Variants in CCDC148 observed in about 807,000 individuals in gnomAD.
CCDC148 encodes the protein coiled-coil domain containing 148.
In CCDC148, 89 loss-of-function variants were observed where a neutral mutation model predicts 85.7. The observed-to-expected ratio is 1.04, with a 90% CI of 0.87 to 1.24. CCDC148 has a LOEUF of 1.24. Ranked by LOEUF, CCDC148 falls within the 50% of genes most tolerant of loss-of-function variation. The probability of loss-of-function intolerance (pLI) is 0.00; values close to 1 mark genes in which losing one functional copy is unlikely to be tolerated. For missense variants in CCDC148, 692 were observed against 671.7 expected, an observed-to-expected ratio of 1.03 and a Z score of -0.33; for synonymous variants, 230 against 213.9, an observed-to-expected ratio of 1.08 and a Z score of -0.66.
intron 1 of CCDC148, among the ~76,000 whole-genome samples, chr2:158,359,373 A>G (rs1683823420): frequency 6.6e-6 from 1 of 152,192 alleles, no homozygotes; most frequent in Non-Finnish European, 1.5e-5. Context: ...AAAGAAAACA[A>G]GGGTAGGGCG....
intron 1 of CCDC148, among the ~76,000 whole-genome samples, chr2:158,374,699 GTGTA>G (rs911467026): frequency 1.3e-5 from 2 of 151,342 alleles, no homozygotes; most frequent in African/African-American, 2.4e-5. Context: ...GTGTATATAT[GTGTA>G]TGTGTGTACA....
intron 7 of CCDC148, among the ~76,000 whole-genome samples, chr2:158,328,053 T>C (rs950180304): frequency 7.2e-5 from 11 of 152,042 alleles, no homozygotes; most frequent in Non-Finnish European, 1.5e-4. Flanking sequence ...TTAGGGTACA[T>C]GTGCACAATG....
chr2:158,196,377 T>G (rs1391410117), intron 11 of CCDC148, among the ~76,000 whole-genome samples: 1 of 152,144 alleles, frequency 6.6e-6, no homozygotes, highest in Non-Finnish European at 1.5e-5. Context: ...TAGGCTATGG[T>G]GGGATATTTA....
intron 1 of CCDC148, among the ~76,000 whole-genome samples, chr2:158,433,074 CAAAAA>C (rs755383954): frequency 6.8e-5 from 5 of 74,020 alleles, no homozygotes; most frequent in African/African-American, 2.0e-4. Context: ...CTCATCTCTA[CAAAAA>C]AAAAAAAAAA....
chr2:158,376,262 G>C (rs1684645449), intron 1 of CCDC148, among the ~76,000 whole-genome samples: 1 of 152,100 alleles, frequency 6.6e-6, no homozygotes, highest in African/African-American at 2.4e-5. Flanking sequence ...AAGAGAGCAG[G>C]TTAAAAGATA....
intron 1 of CCDC148, among the ~76,000 whole-genome samples, chr2:158,372,865 C>T (rs189879067): frequency 1.5e-4 from 23 of 152,116 alleles, no homozygotes; most frequent in African/African-American, 5.3e-4. Flanking sequence ...TTGTACTTTA[C>T]CCTTGAGCAT....
At chr2:158,287,619 C>T (rs561854444) in intron 9 of CCDC148, among the ~76,000 whole-genome samples, 2 of 152,356 alleles carry the variant, frequency 1.3e-5, no homozygotes, top group South Asian at 2.1e-4. Flanking sequence ...CCCGGTCACA[C>T]TGATGCAAGA....
intron 7 of CCDC148, among the ~76,000 whole-genome samples, chr2:158,316,738 G>A (rs955956523): frequency 6.6e-6 from 1 of 152,186 alleles, no homozygotes; most frequent in Admixed American, 6.5e-5. Context: ...TTAGAATGCT[G>A]CATTTGAGGA....
At chr2:158,310,237 G>C (rs1691912178) in intron 8 of CCDC148, among the ~76,000 whole-genome samples, 1 of 152,106 alleles carries the variant, frequency 6.6e-6, no homozygotes, top group Admixed American at 6.5e-5. Context: ...GCACGGGGTT[G>C]GGGGTAAGGT....
chr2:158,429,854 A>G (rs867132470), intron 1 of CCDC148, among the ~76,000 whole-genome samples: 3 of 152,176 alleles, frequency 2.0e-5, no homozygotes, highest in East Asian at 1.9e-4. Context: ...CATGATTGCC[A>G]TGGCTTTCTG....
At chr2:158,391,323 C>T (rs1437185721) in intron 1 of CCDC148, among the ~76,000 whole-genome samples, 1 of 152,116 alleles carries the variant, frequency 6.6e-6, no homozygotes, top group Non-Finnish European at 1.5e-5. Flanking sequence ...GTCAATATTA[C>T]TTGTGAATTG....
intron 1 of CCDC148, among the ~76,000 whole-genome samples, chr2:158,370,244 A>G (rs1410081970): frequency 1.3e-5 from 2 of 152,126 alleles, no homozygotes; most frequent in Non-Finnish European, 1.5e-5. Flanking sequence ...ATATTTACCT[A>G]TGTAACAAAC....
chr2:158,175,753 TG>T (rs1349073384), intron 13 of CCDC148, among the ~76,000 whole-genome samples: 1 of 152,112 alleles, frequency 6.6e-6, no homozygotes, highest in Non-Finnish European at 1.5e-5. Flanking sequence ...AGCGGATGAA[TG>T]GATGGTTTCC....
chr2:158,263,481 GGTGTATGCCAATTTT>G (rs1689320857), intron 9 of CCDC148, among the ~76,000 whole-genome samples: 1 of 151,952 alleles, frequency 6.6e-6, no homozygotes, highest in Non-Finnish European at 1.5e-5. Flanking sequence ...CTGGGGACAA[GGTGTATGCCAATTTT>G]GTAATCCATA....
At chr2:158,262,689 G>A (rs1306567185) in intron 9 of CCDC148, among the ~76,000 whole-genome samples, 1 of 151,796 alleles carries the variant, frequency 6.6e-6, no homozygotes, top group African/African-American at 2.4e-5. Context: ...GGGGGGACGT[G>A]TCACACTTTT....
chr2:158,182,574 G>A (rs899759035), intron 11 of CCDC148, among the ~76,000 whole-genome samples: 6 of 152,070 alleles, frequency 3.9e-5, no homozygotes, highest in African/African-American at 1.2e-4. Flanking sequence ...ATGGAGAGGC[G>A]AGAGACAAGG....
At chr2:158,356,352 A>G (rs1457289725) in intron 2 of CCDC148, among the ~76,000 whole-genome samples, 2 of 142,762 alleles carry the variant, frequency 1.4e-5, no homozygotes. Context: ...GCTAATATCC[A>G]GAATCTACAA....
rs1343755126 is a variant in CCDC148, at chr2:158,433,072, T to C, written c.25+23343A>G. On this transcript the variant is annotated intron_variant, in intron 1 of 13. Transcript: ENST00000283233. Reference sequence around the variant, plus strand: ...GAAAAACATGGCAAAACCTCATCTCTACAAAAAAAAAAAAAAAAAATATAT... The same window carrying C: ...GAAAAACATGGCAAAACCTCATCTCCACAAAAAAAAAAAAAAAAAATATAT... Among the ~76,000 whole-genome samples, 211 of 18,030 alleles carry C rather than the reference T, an allele frequency of 0.012. 2 individuals carry two copies. In the Admixed American group the frequency reaches 0.14, roughly 12 times the overall value. The allele number at this position is 18,030 out of a possible 152,430, so 11.8% of individuals were successfully genotyped here. A position where few individuals can be genotyped will look rare whatever the true frequency, so the allele number is the denominator to read the frequency against.
intron 11 of CCDC148, among the ~76,000 whole-genome samples, chr2:158,193,565 A>T (rs1029898904): frequency 1.3e-5 from 2 of 152,004 alleles, no homozygotes; most frequent in Non-Finnish European, 2.9e-5. Context: ...AGTAACGATA[A>T]TCCTTTCTTT....
Sources: gnomAD v4.1 joint callset for allele counts (sites outside exome capture counted in the v4.1 genomes callset) on GRCh38, gnomAD v4.1.1 for gene constraint, MANE v1.5 for transcripts, NCBI Gene and HGNC (gene_info 2026-07-23, HGNC 2026-07-21) for gene names.